Variants in GRIN2B observed in about 807,000 individuals in gnomAD.
GRIN2B encodes glutamate ionotropic receptor NMDA type subunit 2B, also known as glutamate receptor ionotropic, NMDA 2B.
Under a neutral mutation model 114.5 loss-of-function variants are expected in GRIN2B, and 5 were observed. That is an observed-to-expected ratio of 0.04 (90% CI 0.02 to 0.09). The LOEUF (loss-of-function observed/expected upper bound fraction) is 0.09. GRIN2B is among the 10% of genes least tolerant of loss of function. The pLI is 1.00. For missense variants in GRIN2B, 1,108 were observed against 1,943.5 expected (o/e 0.57, Z 8.08); for synonymous variants, 787 against 745.1 (o/e 1.06, Z -0.92).
intron 5 of GRIN2B, among the ~76,000 whole-genome samples, chr12:13,625,171 A>T (rs944838614): frequency 3.3e-5 from 5 of 152,252 alleles, no homozygotes; most frequent in Non-Finnish European, 7.3e-5. Flanking sequence ...AAAAAACCCA[A>T]GGCTCATTGA....
intron 2 of GRIN2B, among the ~76,000 whole-genome samples, chr12:13,915,431 T>A (rs561704710): frequency 9.2e-5 from 14 of 152,208 alleles, no homozygotes; most frequent in African/African-American, 3.4e-4. Context: ...GACCTCACTC[T>A]CTATTTTAAG....
At chr12:13,903,952 G>A (rs1255388457) in intron 2 of GRIN2B, among the ~76,000 whole-genome samples, 1 of 151,922 alleles carries the variant, frequency 6.6e-6, no homozygotes, top group African/African-American at 2.4e-5. Flanking sequence ...CAATCTGTCT[G>A]AAGTCTATTT....
chr12:13,737,888 C>T (rs1365562648), intron 4 of GRIN2B, among the ~76,000 whole-genome samples: 1 of 152,212 alleles, frequency 6.6e-6, no homozygotes, highest in East Asian at 1.9e-4. Context: ...AGATAGATTA[C>T]ATTACCCTAC....
intron 2 of GRIN2B, among the ~76,000 whole-genome samples, chr12:13,913,771 G>T (rs1866663565): frequency 6.6e-6 from 1 of 152,156 alleles, no homozygotes; most frequent in African/African-American, 2.4e-5. Flanking sequence ...CACTGTAAAT[G>T]CTTAGTGGAG....
At chr12:13,695,725 G>A (rs1275606524) in intron 4 of GRIN2B, among the ~76,000 whole-genome samples, 1 of 152,152 alleles carries the variant, frequency 6.6e-6, no homozygotes, top group Non-Finnish European at 1.5e-5. Flanking sequence ...TTCAAACAGG[G>A]CAGATAAGTG....
chr12:13,644,862 C>T (rs769207525), intron 5 of GRIN2B, among the ~76,000 whole-genome samples: 117 of 152,282 alleles, frequency 7.7e-4, no homozygotes, highest in Non-Finnish European at 5.6e-4. Flanking sequence ...TCTCAGCCTT[C>T]AAAGAATTGA....
In GRIN2B at chr12:13,674,278, T is replaced by A. The variant is rs371171101; in HGVS notation, c.1125+1467A>T. ...GGGAGGCTGAGCTGGAAGGACAGGT[T>A]GAGCCCAGGATTTTGAGGTTGCAGT... On this transcript the variant is annotated intron_variant, in intron 5 of 13. Transcript: ENST00000609686. Among the ~76,000 whole-genome samples, 11 of 152,226 alleles carry A rather than the reference T, an allele frequency of 7.2e-5. No homozygotes were observed. In the East Asian group the frequency reaches 1.9e-3, roughly 27 times the overall value.
chr12:13,690,285 C>CCACACACACA (rs72073823), intron 4 of GRIN2B, among the ~76,000 whole-genome samples: 1,854 of 144,746 alleles, frequency 0.013, 21 homozygotes, highest in Middle Eastern at 0.035. Context: ...CTATGTCACA[C>CCACACACACA]CACACACACA....
intron 2 of GRIN2B, among the ~76,000 whole-genome samples, chr12:13,937,136 G>A (rs1474734044): frequency 6.7e-6 from 1 of 149,446 alleles, no homozygotes; most frequent in Non-Finnish European, 1.5e-5. Context: ...AGAGCTGCAT[G>A]TTAATATTTG....
intron 4 of GRIN2B, among the ~76,000 whole-genome samples, chr12:13,688,595 T>C (rs1250513418): frequency 6.6e-6 from 1 of 152,218 alleles, no homozygotes; most frequent in African/African-American, 2.4e-5. Context: ...ACTGGACTTA[T>C]AGAGGAATTA....
chr12:13,946,435 T>A (rs1451202570), intron 2 of GRIN2B, among the ~76,000 whole-genome samples: 2 of 152,052 alleles, frequency 1.3e-5, no homozygotes, highest in Non-Finnish European at 2.9e-5. Context: ...TCCCTGACAT[T>A]GAATTCCTCT....
intron 3 of GRIN2B, among the ~76,000 whole-genome samples, chr12:13,808,824 C>A (rs945598153): frequency 5.3e-5 from 8 of 150,888 alleles, no homozygotes; most frequent in Admixed American, 5.3e-4. Context: ...TAGAGTTCAG[C>A]GCTCAGGCTA....
chr12:13,743,878 A>G (rs1863327336), intron 4 of GRIN2B, among the ~76,000 whole-genome samples: 1 of 152,184 alleles, frequency 6.6e-6, no homozygotes, highest in South Asian at 2.1e-4. Context: ...ATGTATTTTG[A>G]CACCTACCTC....
At chr12:13,861,158 A>G (rs1006862014) in intron 3 of GRIN2B, among the ~76,000 whole-genome samples, 3 of 152,222 alleles carry the variant, frequency 2.0e-5, no homozygotes, top group African/African-American at 7.2e-5. Flanking sequence ...TTCAAAGCTC[A>G]TCAGAATGGA....
At chr12:13,763,256 C>T (rs73300384) in intron 3 of GRIN2B, among the ~76,000 whole-genome samples, 3,963 of 152,260 alleles carry the variant, frequency 0.026, 173 homozygotes, top group African/African-American at 0.089. Flanking sequence ...CTGTCCTCAC[C>T]GACACCATCT....
chr12:13,640,645 A>G (rs371408685), intron 5 of GRIN2B, among the ~76,000 whole-genome samples: 3 of 152,200 alleles, frequency 2.0e-5, no homozygotes, highest in East Asian at 3.9e-4. Flanking sequence ...ACGTTCAAGC[A>G]TCACAGTGAT....
intron 5 of GRIN2B, among the ~76,000 whole-genome samples, chr12:13,652,514 G>C (rs1310416759): frequency 6.6e-6 from 1 of 151,962 alleles, no homozygotes; most frequent in East Asian, 2.0e-4. Context: ...GGCCCTTCTA[G>C]ACAAAGCGGA....
rs550627985 is a variant in GRIN2B at position 13,724,351 on chromosome 12, A to T, written c.1010+28966T>A. Among the ~76,000 whole-genome samples, 87 of 152,296 alleles carry T rather than the reference A, an allele frequency of 5.7e-4. No homozygotes were observed. The Middle Eastern group carries it at 0.01, about 18-fold the overall frequency. ...TACAGGTTTGCAGAAATCAGGAAGC[A>T]CATGTAGGAGTGAACTTTGAGGAAG... On this transcript the variant is annotated intron_variant, in intron 4 of 13. Coordinates refer to ENST00000609686, the MANE Select transcript of GRIN2B (RefSeq NM_000834.5).
At position 13,556,132 on chromosome 12, in the gene GRIN2B, G is replaced by A. The variant is rs1186361944; in HGVS notation, c.*6651C>T. The A allele has an allele frequency of 6.6e-6, 1 of 152,186 alleles. No homozygotes were observed. The highest frequency in any genetic ancestry group is 6.5e-5 in the Admixed American group (1 of 15,272). The allele number at this position is 152,186 out of a possible 1,614,324, so 9.4% of individuals were successfully genotyped here. ...TATAGAAAAGGCAAGGTTGTGGTTA[G>A]AGAGGAAATCCCAGAGTTTTAGCTC... On this transcript the variant is annotated 3_prime_UTR_variant, in exon 14 of 14. Transcript: ENST00000609686.
Sources: gnomAD v4.1 joint callset for allele counts (sites outside exome capture counted in the v4.1 genomes callset) on GRCh38, gnomAD v4.1.1 for gene constraint, MANE v1.5 for transcripts, NCBI Gene and HGNC (gene_info 2026-07-23, HGNC 2026-07-21) for gene names.